P2RX5: variants seen among roughly 807,000 people sequenced by gnomAD.
P2RX5 encodes purinergic receptor P2X 5.
Under a neutral mutation model 54.1 loss-of-function variants are expected in P2RX5, and 46 were observed. That is an observed-to-expected ratio of 0.85 (90% CI 0.67 to 1.09). The LOEUF (loss-of-function observed/expected upper bound fraction) is 1.09. Among genes scored for constraint, P2RX5 ranks in the 50% least tolerant of loss-of-function variants. The pLI is 0.00. For missense variants in P2RX5, 566 were observed against 549.8 expected (o/e 1.03, Z -0.29); for synonymous variants, 226 against 226.4 (o/e 1.00, Z 0.02).
At position 3,691,715 on chromosome 17, in the gene P2RX5, C is replaced by G. The variant is rs61731589; in HGVS notation, c.217G>C (p.Val73Leu). The G allele has an allele frequency of 1.2e-6, 2 of 1,614,098 alleles. No homozygotes were observed. Among genetic ancestry groups the G allele is most frequent in the African/African-American group, 2.7e-5 (2 of 74,932 alleles). ...AGATCCGAGGTGTTGGTGAAGGCCA[C>G]GCCCTTGACTTTGGTGATGACAGCA... is the stretch of plus-strand genomic sequence containing the variant. ...QSAVITKVKG[V>L]AFTNTSDLGQ... The change falls in exon 2 of 12, where the codon GTG becomes CTG. Residue 73 changes from valine to leucine, a missense_variant. By Grantham distance (32) the Val-to-Leu change is conservative. Coordinates refer to ENST00000225328, the MANE Select transcript of P2RX5 (RefSeq NM_002561.4).
At chr17:3,719,171 G>A in the P2RX5 span, among the ~76,000 whole-genome samples, 1 of 148,838 alleles carries the variant, frequency 6.7e-6, no homozygotes, top group Non-Finnish European at 1.5e-5. Context: ...GGGAGGTGGA[G>A]GTTGCAGTGA....
chr17:3,692,039 C>A, intron 1 of P2RX5: 1 of 541,482 alleles, frequency 1.8e-6, no homozygotes, highest in Non-Finnish European at 3.3e-6. Flanking sequence ...AGGCAAAGAC[C>A]AGCCGGGCGC....
At chr17:3,688,127 G>GAAGGCCAGGCAGGCT in intron 8 of P2RX5, 22 bp from the exon 9 acceptor site, 1 of 1,406,368 alleles carries the variant, frequency 7.1e-7, no homozygotes. Flanking sequence ...AGGGCCCAGG[G>GAAGGCCAGGCAGGCT]GAGGCCTCAG....
intron 3 of P2RX5, 52 bp downstream of exon 3, chr17:3,690,904 C>T: frequency 2.7e-6 from 4 of 1,501,712 alleles, no homozygotes; most frequent in Non-Finnish European, 3.7e-6. Context: ...AGACCCCAAC[C>T]ACTGCCGGTG....
the P2RX5 span, among the ~76,000 whole-genome samples, chr17:3,705,024 A>C: frequency 2.6e-5 from 4 of 152,270 alleles, no homozygotes; most frequent in Non-Finnish European, 5.9e-5. Flanking sequence ...AGAGAGGATA[A>C]AGAATCAAAC....
intron 9 of P2RX5, chr17:3,682,867 A>C (rs2050323602): frequency 6.6e-6 from 1 of 152,076 alleles, no homozygotes; most frequent in Admixed American, 6.5e-5. Context: ...TCTACTAAAA[A>C]ATACAAAAAT....
chr17:3,679,930 A>AGCCGGTG, intron 10 of P2RX5, 146 bp from the exon 11 acceptor site: 1 of 725,502 alleles, frequency 1.4e-6, no homozygotes, highest in South Asian at 1.5e-5. Flanking sequence ...TGCTTCCTCC[A>AGCCGGTG]TGCGGCTCCC....
chr17:3,714,831 C>T, the P2RX5 span: 19 of 1,495,394 alleles, frequency 1.3e-5, no homozygotes, highest in African/African-American at 2.5e-4. Flanking sequence ...TAGCCTCTCC[C>T]AGTGGATAGC....
intron 11 of P2RX5, chr17:3,677,879 C>T: frequency 7.1e-6 from 7 of 985,370 alleles, no homozygotes; most frequent in African/African-American, 3.5e-5. Flanking sequence ...CTTCTAGGTC[C>T]GAGCCCCTCT....
chr17:3,696,375 T>A, upstream of P2RX5: 1 of 168,442 alleles, frequency 5.9e-6, no homozygotes, highest in Non-Finnish European at 1.3e-5. Flanking sequence ...CGCCCTGTGC[T>A]GTTGCCCAGC....
intron 1 of P2RX5, 111 bp downstream of exon 1, chr17:3,695,758 C>G: frequency 7.3e-7 from 1 of 1,369,998 alleles, no homozygotes; most frequent in Non-Finnish European, 1.0e-6. Flanking sequence ...CCCCCAGCTA[C>G]CGGGAAAACC....
In P2RX5 at chr17:3,695,901, C is replaced by T. The variant is rs1275959040; in HGVS notation, c.105G>A (p.Leu35=). Residue 35 remains leucine (L), a synonymous_variant, in exon 1 of 12, where the codon CTG becomes CTA. Coordinates refer to ENST00000225328, the MANE Select transcript of P2RX5 (RefSeq NM_002561.4). ...GGTACGCCAGGATGGAGGCCTGCAGCAGCCGGTACAGCAGGCCCACCTTCT... is the reference window on the plus strand; with the variant it reads ...GGTACGCCAGGATGGAGGCCTGCAGTAGCCGGTACAGCAGGCCCACCTTCT... The part of the protein sequence containing the change: ...KNKKVGLLYR[L]LQASILAYLV... The T allele has an allele frequency of 1.4e-5, 23 of 1,614,014 alleles. No homozygotes were observed. Among genetic ancestry groups the T allele is most frequent in the Middle Eastern group, 1.6e-4 (1 of 6,084 alleles).
intron 11 of P2RX5, chr17:3,677,542 A>T: frequency 1.0e-6 from 1 of 985,412 alleles, no homozygotes. Flanking sequence ...GTTGTCCAAG[A>T]GCTTTCTCTG....
Position 3,690,997 on chromosome 17 carries a change from G to T in P2RX5, c.319C>A (p.Leu107Met), listed in dbSNP as rs372259448. ...GENVFFVVTN[L>M]IVTPNQRQNV... ...TGCCGCTGGTTGGGGGTCACAATCAGGTTGGTGACCACAAAAAAGACGTTC... is the reference window on the plus strand; with the variant it reads ...TGCCGCTGGTTGGGGGTCACAATCATGTTGGTGACCACAAAAAAGACGTTC... The change falls in exon 3 of 12, where the codon CTG (leucine) becomes ATG (methionine). Residue 107 changes from leucine (L) to methionine (M), a missense_variant. By Grantham distance (15) the Leu-to-Met change is conservative. Transcript: ENST00000225328. The T allele has an allele frequency of 9.1e-5, 146 of 1,613,086 alleles. No homozygotes were observed. Among genetic ancestry groups the T allele is most frequent in the Non-Finnish European group, 1.2e-4 (143 of 1,179,766 alleles).
chr17:3,694,230 G>GAA (rs5818908), intron 1 of P2RX5, among the ~76,000 whole-genome samples: 3,009 of 124,574 alleles, frequency 0.024, 56 homozygotes, highest in Middle Eastern at 0.044. Flanking sequence ...AAAGAAGCCA[G>GAA]AAAAAAAAAA....
chr17:3,690,028 A>G, intron 6 of P2RX5, 42 bp downstream of exon 6: 2 of 1,577,968 alleles, frequency 1.3e-6, no homozygotes, highest in Non-Finnish European at 8.7e-7. Flanking sequence ...CCCCTCATCG[A>G]CCAAGGCCCA....
chr17:3,673,525 G>A lies in P2RX5; in HGVS notation c.*343C>T. On this transcript the variant is annotated 3_prime_UTR_variant, in exon 12 of 12. Transcript: ENST00000225328. ...AGTGAGGTAATCTAGGAACTCTACA[G>A]GGCACTGCGGTCCTTAGCTGAGGTG... 2 of 1,274,414 alleles carry A rather than the reference G, an allele frequency of 1.6e-6. No individual in the cohort carries two copies. Among genetic ancestry groups the A allele is most frequent in the East Asian group, 3.8e-5 (1 of 26,388 alleles). The allele number at this position is 1,274,414 out of a possible 1,614,324, so 78.9% of individuals were successfully genotyped here. A position where few individuals can be genotyped will look rare whatever the true frequency, so the allele number is the denominator to read the frequency against.
chr17:3,696,939 A>G (rs114420660), upstream of P2RX5, among the ~76,000 whole-genome samples: 2,217 of 151,020 alleles, frequency 0.015, 29 homozygotes, highest in African/African-American at 0.03. Context: ...TGTGGGGGGG[A>G]AGCCGTGGCT....
At chr17:3,701,756 TTTTTG>T in the P2RX5 span, among the ~76,000 whole-genome samples, 1 of 122,460 alleles carries the variant, frequency 8.2e-6, no homozygotes, top group African/African-American at 2.6e-5. Context: ...GTTTTTTTTT[TTTTTG>T]TTTTTTTTTT....
Sources: allele counts gnomAD v4.1 joint callset (sites outside exome capture counted in the v4.1 genomes callset), GRCh38; gene constraint gnomAD v4.1.1; transcripts MANE v1.5; gene names NCBI Gene and HGNC (gene_info 2026-07-23, HGNC 2026-07-21).